The following SLC24A3 variants were observed in gnomAD, a reference collection of about 807,000 sequenced individuals.
SLC24A3 encodes the protein solute carrier family 24 member 3, also known as sodium/potassium/calcium exchanger 3.
A neutral mutation model predicts 75.8 loss-of-function variants in SLC24A3; 28 were observed. The ratio of observed to expected loss-of-function variants is 0.37; its 90% confidence interval spans 0.27 to 0.51. SLC24A3 has a LOEUF of 0.51. Among genes scored for constraint, SLC24A3 ranks in the 20% least tolerant of loss-of-function variants. SLC24A3 has a pLI of 0.94. For missense variants in SLC24A3, 663 were observed against 847.8 expected (o/e 0.78, Z 2.71); for synonymous variants, 372 against 334.1 (o/e 1.11, Z -1.24).
At chr20:19,612,927 A>C (rs4589832) in intron 6 of SLC24A3, among the ~76,000 whole-genome samples, 141,075 of 152,250 alleles carry the variant, frequency 0.93, 65,916 homozygotes, top group Non-Finnish European at 0.98. Flanking sequence ...CTACAGTCCA[A>C]CCCTTCCTCA....
At chr20:19,362,114 A>G (rs1003642831) in intron 2 of SLC24A3, among the ~76,000 whole-genome samples, 1 of 152,252 alleles carries the variant, frequency 6.6e-6, no homozygotes, top group African/African-American at 2.4e-5. Context: ...GCATTAGAAA[A>G]AAGTGGATTC....
At chr20:19,496,455 C>T (rs1292369510) in intron 2 of SLC24A3, among the ~76,000 whole-genome samples, 1 of 152,164 alleles carries the variant, frequency 6.6e-6, no homozygotes, top group African/African-American at 2.4e-5. Flanking sequence ...CTGTCCATCG[C>T]CCACCCTCCA....
intron 11 of SLC24A3, among the ~76,000 whole-genome samples, 198 bp downstream of exon 11, chr20:19,684,534 G>GAA (rs2032651688): frequency 6.6e-6 from 1 of 152,120 alleles, no homozygotes; most frequent in Non-Finnish European, 1.5e-5. Flanking sequence ...GTTGAGACAT[G>GAA]GACTAATTTC....
intron 2 of SLC24A3, among the ~76,000 whole-genome samples, chr20:19,386,904 A>C (rs1239798470): frequency 6.6e-6 from 1 of 152,092 alleles, no homozygotes; most frequent in African/African-American, 2.4e-5. Context: ...CTTTGGAGGA[A>C]TTTAAGGAGG....
intron 15 of SLC24A3, among the ~76,000 whole-genome samples, chr20:19,702,419 C>G (rs947074467): frequency 6.6e-6 from 1 of 152,078 alleles, no homozygotes; most frequent in Non-Finnish European, 1.5e-5. Context: ...ATACAAGGGC[C>G]ACATTAAGTC....
At chr20:19,281,644 G>A (rs1983667280) in intron 2 of SLC24A3, among the ~76,000 whole-genome samples, 1 of 152,060 alleles carries the variant, frequency 6.6e-6, no homozygotes, top group South Asian at 2.1e-4. Context: ...AGAAAACAAA[G>A]CAGATCAAAG....
chr20:19,393,103 A>G (rs1259688925), intron 2 of SLC24A3, among the ~76,000 whole-genome samples: 1 of 152,216 alleles, frequency 6.6e-6, no homozygotes, highest in Non-Finnish European at 1.5e-5. Flanking sequence ...ATAACTTTTA[A>G]TCTGATTATT....
intron 2 of SLC24A3, among the ~76,000 whole-genome samples, chr20:19,397,388 C>G (rs922440777): frequency 2.6e-5 from 4 of 152,210 alleles, no homozygotes; most frequent in Admixed American, 2.6e-4. Flanking sequence ...GACGCCAAGC[C>G]CTCCAATCAA....
intron 2 of SLC24A3, among the ~76,000 whole-genome samples, chr20:19,357,369 G>C (rs909598608): frequency 6.6e-6 from 1 of 152,098 alleles, no homozygotes; most frequent in Non-Finnish European, 1.5e-5. Context: ...AATTTGTTCC[G>C]GAAGCCTAGG....
intron 2 of SLC24A3, among the ~76,000 whole-genome samples, chr20:19,318,822 T>C (rs757885340): frequency 2.0e-5 from 3 of 152,186 alleles, no homozygotes; most frequent in Non-Finnish European, 2.9e-5. Flanking sequence ...TCCTGTCACT[T>C]GCAGGGTTAC....
chr20:19,297,447 A>G (rs1984088055), intron 2 of SLC24A3, among the ~76,000 whole-genome samples: 1 of 152,032 alleles, frequency 6.6e-6, no homozygotes, highest in East Asian at 1.9e-4. Flanking sequence ...ACCCCATACA[A>G]CTACTTTTCT....
intron 2 of SLC24A3, among the ~76,000 whole-genome samples, chr20:19,376,840 G>A (rs1986091499): frequency 6.6e-6 from 1 of 152,176 alleles, no homozygotes. Context: ...GGAGATTCGG[G>A]GCAAAGACGG....
chr20:19,717,652 TC>T, intron 16 of SLC24A3, 59 bp downstream of exon 16: 2 of 1,599,780 alleles, frequency 1.3e-6, no homozygotes, highest in East Asian at 4.5e-5. Flanking sequence ...CCCCTTGGTT[TC>T]TTTGGAGACC....
chr20:19,677,736 C>G (rs1467496409), intron 9 of SLC24A3, among the ~76,000 whole-genome samples: 1 of 72,314 alleles, frequency 1.4e-5, no homozygotes, highest in Non-Finnish European at 2.7e-5. Flanking sequence ...ATTGATCATT[C>G]TTGGGTGTTT....
At chr20:19,415,022 C>A (rs1380569860) in intron 2 of SLC24A3, among the ~76,000 whole-genome samples, 1 of 152,120 alleles carries the variant, frequency 6.6e-6, no homozygotes, top group African/African-American at 2.4e-5. Context: ...TAGTTAGAAA[C>A]CACTTCAAAT....
chr20:19,458,022 A>G (rs775157368), intron 2 of SLC24A3, among the ~76,000 whole-genome samples: 3 of 152,134 alleles, frequency 2.0e-5, no homozygotes, highest in Non-Finnish European at 2.9e-5. Flanking sequence ...CTTACTCTAC[A>G]GTTTCATAAT....
At chr20:19,585,374 TC>T in intron 5 of SLC24A3, 66 bp from the exon 6 acceptor site, 1 of 1,454,492 alleles carries the variant, frequency 6.9e-7, no homozygotes, top group Non-Finnish European at 9.6e-7. Flanking sequence ...TATGAAAGGT[TC>T]CCCATGCCCA....
intron 15 of SLC24A3, among the ~76,000 whole-genome samples, chr20:19,703,934 T>C (rs1334107143): frequency 6.6e-6 from 1 of 152,182 alleles, no homozygotes; most frequent in African/African-American, 2.4e-5. Flanking sequence ...TCAATATAGA[T>C]GTTGAACTGG....
chr20:19,652,236 T>C (rs1479261024), intron 6 of SLC24A3, among the ~76,000 whole-genome samples: 6 of 152,222 alleles, frequency 3.9e-5, no homozygotes, highest in Admixed American at 2.0e-4. Context: ...TATTATCTTG[T>C]TACGGTATAA....
Sources: allele counts gnomAD v4.1 joint callset (sites outside exome capture counted in the v4.1 genomes callset), GRCh38; gene constraint gnomAD v4.1.1; transcripts MANE v1.5; gene names NCBI Gene and HGNC (gene_info 2026-07-23, HGNC 2026-07-21).